The following ANKS1B variants were observed in gnomAD, a reference collection of about 807,000 sequenced individuals.
The protein encoded by ANKS1B is ankyrin repeat and sterile alpha motif domain containing 1B, also known as ankyrin repeat and sterile alpha motif domain-containing protein 1B.
ANKS1B carries 36 observed loss-of-function variants against 148.3 expected under a neutral mutation model. That is an observed-to-expected ratio of 0.24 (90% CI 0.19 to 0.32). The LOEUF is 0.32. ANKS1B is among the 10% of genes least tolerant of loss of function. ANKS1B has a pLI of 1.00. For missense variants in ANKS1B, 1,157 were observed against 1,542.6 expected (o/e 0.75, Z 4.19); for synonymous variants, 542 against 560.8 (o/e 0.97, Z 0.47).
In ANKS1B at chr12:99,402,927, C is replaced by T. The variant is rs1437692007; in HGVS notation, c.1576-3116G>A. On this transcript the variant is annotated intron_variant, in intron 11 of 26. Coordinates refer to ENST00000683438, the MANE Select transcript of ANKS1B (RefSeq NM_001352186.2). ...TCCACAATGGTTGAACTAATGTATA[C>T]TCCCACCTGTAGTGTATAAGTGTGG... Among the ~76,000 whole-genome samples the T allele has an allele frequency of 2.1e-5, 3 of 145,524 alleles. 1 individual carries two copies. Among genetic ancestry groups the T allele is most frequent in the Non-Finnish European group, 4.5e-5 (3 of 66,058 alleles).
In ANKS1B at chr12:99,984,504, C is replaced by T. The variant is rs1010847798; in HGVS notation, c.-267G>A. ...GCGACGCGCCCCCACAGCCACTCCCCTGAATTCCCAAGGCCTCGTTCCCGC... is the reference window on the plus strand; with the variant it reads ...GCGACGCGCCCCCACAGCCACTCCCTTGAATTCCCAAGGCCTCGTTCCCGC... On this transcript the variant is annotated 5_prime_UTR_variant, in exon 1 of 27. Coordinates refer to ENST00000683438, the MANE Select transcript of ANKS1B (RefSeq NM_001352186.2). 1 of 392,588 alleles carries T rather than the reference C, an allele frequency of 2.5e-6. No individual in the cohort carries two copies. 24.3% of individuals were successfully genotyped at this position (392,588 alleles called of 1,614,324 possible). A position where few individuals can be genotyped will look rare whatever the true frequency, so the allele number is the denominator to read the frequency against.
At chr12:99,842,347 CTAG>C (rs2085883481) in intron 1 of ANKS1B, among the ~76,000 whole-genome samples, 1 of 151,998 alleles carries the variant, frequency 6.6e-6, no homozygotes, top group Non-Finnish European at 1.5e-5. Flanking sequence ...TTTTTGAAAA[CTAG>C]TATGTAGTTT....
intron 17 of ANKS1B, among the ~76,000 whole-genome samples, chr12:98,841,358 C>T (rs2099404756): frequency 1.3e-5 from 2 of 152,090 alleles, no homozygotes. Flanking sequence ...CCTGGTTACT[C>T]CGTTTTTGGA....
At chr12:99,381,632 G>A (rs1479411070) in intron 12 of ANKS1B, among the ~76,000 whole-genome samples, 2 of 152,114 alleles carry the variant, frequency 1.3e-5, no homozygotes, top group Non-Finnish European at 2.9e-5. Flanking sequence ...AGGCAGTTGT[G>A]GTGACCTAAC....
At chr12:99,416,947 C>T (rs1219893206) in intron 11 of ANKS1B, among the ~76,000 whole-genome samples, 3 of 152,108 alleles carry the variant, frequency 2.0e-5, no homozygotes, top group Non-Finnish European at 4.4e-5. Flanking sequence ...GGGAGAAGGG[C>T]AGGCTCTTGA....
chr12:99,749,457 A>G (rs2153592357), intron 8 of ANKS1B, among the ~76,000 whole-genome samples: 1 of 152,208 alleles, frequency 6.6e-6, no homozygotes, highest in African/African-American at 2.4e-5. Flanking sequence ...TTTGAGTACT[A>G]GGATCCATAA....
intron 9 of ANKS1B, among the ~76,000 whole-genome samples, chr12:99,542,626 T>A (rs1412705355): frequency 6.6e-6 from 1 of 152,030 alleles, no homozygotes; most frequent in East Asian, 1.9e-4. Context: ...TTTGAAAACT[T>A]TGAACAAAGT....
intron 9 of ANKS1B, among the ~76,000 whole-genome samples, chr12:99,581,763 C>T (rs1010017350): frequency 4.0e-5 from 6 of 151,626 alleles, no homozygotes; most frequent in African/African-American, 1.5e-4. Context: ...CGGTGGCGGG[C>T]GCCTGTAGTC....
chr12:99,376,014 T>C (rs955951538), intron 12 of ANKS1B, among the ~76,000 whole-genome samples: 1 of 152,238 alleles, frequency 6.6e-6, no homozygotes, highest in Non-Finnish European at 1.5e-5. Flanking sequence ...ATTTTATACA[T>C]GTGCATTTCA....
intron 9 of ANKS1B, among the ~76,000 whole-genome samples, chr12:99,523,280 CCT>C (rs113770369): frequency 7.2e-5 from 11 of 152,172 alleles, no homozygotes; most frequent in African/African-American, 2.7e-4. Flanking sequence ...GTATTAAACC[CCT>C]GTCATGTGAG....
intron 9 of ANKS1B, among the ~76,000 whole-genome samples, chr12:99,608,504 G>A (rs775152607): frequency 9.9e-5 from 15 of 152,148 alleles, no homozygotes; most frequent in Middle Eastern, 3.4e-3. Context: ...TACAGCAACC[G>A]CTGTCTGTTG....
At chr12:99,730,746 TG>T (rs1020309593) in intron 8 of ANKS1B, among the ~76,000 whole-genome samples, 20 of 152,240 alleles carry the variant, frequency 1.3e-4, no homozygotes, top group African/African-American at 4.6e-4. Flanking sequence ...CTCACTAAGC[TG>T]GGAAAGGGGA....
At chr12:99,399,952 A>T in intron 11 of ANKS1B, 141 bp from the exon 12 acceptor site, 3 of 695,364 alleles carry the variant, frequency 4.3e-6, no homozygotes, top group South Asian at 4.0e-5. Context: ...ATTGTGCTTT[A>T]CAGAGATACA....
intron 14 of ANKS1B, among the ~76,000 whole-genome samples, chr12:99,215,608 A>G (rs993711123): frequency 6.6e-6 from 1 of 152,220 alleles, no homozygotes; most frequent in African/African-American, 2.4e-5. Flanking sequence ...ACATGCAGTC[A>G]AAGGAGATCA....
At chr12:98,750,594 G>C (rs149722295) in intron 26 of ANKS1B, among the ~76,000 whole-genome samples, 184 of 152,284 alleles carry the variant, frequency 1.2e-3, no homozygotes, top group African/African-American at 3.9e-3. Flanking sequence ...ATGCATTCTG[G>C]GGGAGTCCCA....
chr12:99,902,933 T>TTGTTGTTGC (rs386377547), intron 1 of ANKS1B, among the ~76,000 whole-genome samples: 1 of 151,610 alleles, frequency 6.6e-6, no homozygotes, highest in African/African-American at 2.4e-5. Context: ...GTTGTTGTTG[T>TTGTTGTTGC]TGCTGTTGTT....
chr12:98,761,486 G>T (rs1398145643), intron 25 of ANKS1B, among the ~76,000 whole-genome samples: 2 of 152,222 alleles, frequency 1.3e-5, no homozygotes, highest in Non-Finnish European at 2.9e-5. Context: ...CTCAGAGCTA[G>T]AGAGAGCCCA....
intron 12 of ANKS1B, among the ~76,000 whole-genome samples, chr12:99,389,014 G>A (rs1297455320): frequency 6.6e-6 from 1 of 152,066 alleles, no homozygotes; most frequent in African/African-American, 2.4e-5. Flanking sequence ...CTAGTAGCAA[G>A]TTATGGGCCT....
chr12:99,491,910 A>G (rs553122828), intron 10 of ANKS1B, among the ~76,000 whole-genome samples: 23 of 152,332 alleles, frequency 1.5e-4, no homozygotes, highest in African/African-American at 5.5e-4. Context: ...CAGCTAAGGC[A>G]GTGTTAAGAG....
Sources: allele counts gnomAD v4.1 joint callset (sites outside exome capture counted in the v4.1 genomes callset), GRCh38; gene constraint gnomAD v4.1.1; transcripts MANE v1.5; gene names NCBI Gene and HGNC (gene_info 2026-07-23, HGNC 2026-07-21).